NBAS: variants seen among roughly 807,000 people sequenced by gnomAD.
The protein encoded by NBAS is NAG/BC035112 fusion.
Under a neutral mutation model 302.5 loss-of-function variants are expected in NBAS, and 219 were observed. The observed-to-expected ratio is 0.72, with a 90% CI of 0.65 to 0.81. The LOEUF is 0.81. Ranked by LOEUF, NBAS falls within the 30% of genes least tolerant of loss-of-function variation. The probability of loss-of-function intolerance (pLI) is 0.00; values close to 1 mark genes in which losing one functional copy is unlikely to be tolerated. For synonymous variants in NBAS, 1,118 were observed against 1,021.6 expected (o/e 1.09, Z -1.80); for missense variants, 2,932 against 2,841.6 (o/e 1.03, Z -0.72).
the NBAS span, among the ~76,000 whole-genome samples, chr2:14,848,667 A>C: frequency 2.1e-4 from 30 of 142,330 alleles, no homozygotes; most frequent in African/African-American, 9.0e-4. Flanking sequence ...CTGCAGACTT[A>C]AATGTCCCTG....
chr2:15,327,994 A>C (rs1672153338), intron 37 of NBAS, 124 bp from the exon 38 acceptor site: 1 of 1,367,790 alleles, frequency 7.3e-7, no homozygotes, highest in Non-Finnish European at 1.0e-6. Flanking sequence ...TCACAAACTA[A>C]AGCATGTTAT....
the NBAS span, among the ~76,000 whole-genome samples, chr2:15,140,306 A>G: frequency 2.6e-5 from 4 of 152,238 alleles, no homozygotes; most frequent in Non-Finnish European, 1.5e-5. Context: ...CATGGAGCAG[A>G]AAGAGTTGCC....
At chr2:14,801,154 G>A in the NBAS span, among the ~76,000 whole-genome samples, 2 of 151,994 alleles carry the variant, frequency 1.3e-5, no homozygotes, top group South Asian at 2.1e-4. Context: ...CTTTAGCACT[G>A]GTTTTAAGCA....
chr2:14,960,132 G>C, the NBAS span, among the ~76,000 whole-genome samples: 2 of 152,194 alleles, frequency 1.3e-5, no homozygotes, highest in Admixed American at 1.3e-4. Context: ...GTAAGTGTAA[G>C]AGATGAGGCT....
At chr2:15,170,433 A>C (rs1266531240) in intron 51 of NBAS, among the ~76,000 whole-genome samples, 1 of 152,176 alleles carries the variant, frequency 6.6e-6, no homozygotes, top group Non-Finnish European at 1.5e-5. Flanking sequence ...AATGAAATGC[A>C]TGCTTCCTTC....
the NBAS span, among the ~76,000 whole-genome samples, chr2:15,138,644 T>G: frequency 6.6e-6 from 1 of 151,968 alleles, no homozygotes; most frequent in African/African-American, 2.4e-5. Flanking sequence ...GACCTCAGAA[T>G]GGAGTCCACA....
intron 9 of NBAS, among the ~76,000 whole-genome samples, chr2:15,533,862 A>G (rs1002515006): frequency 6.6e-6 from 1 of 151,894 alleles, no homozygotes; most frequent in African/African-American, 2.4e-5. Context: ...AGGACTTGTC[A>G]ATAAACACAG....
the NBAS span, among the ~76,000 whole-genome samples, chr2:14,862,183 G>A: frequency 6.6e-6 from 1 of 151,704 alleles, no homozygotes; most frequent in Non-Finnish European, 1.5e-5. Context: ...GTGTCACCCG[G>A]GCTGGAGTGC....
chr2:14,781,198 A>G, the NBAS span, among the ~76,000 whole-genome samples: 9 of 152,204 alleles, frequency 5.9e-5, no homozygotes, highest in African/African-American at 2.2e-4. Context: ...TTGGTATTCC[A>G]TGAGATTTCC....
At chr2:15,014,126 A>G in the NBAS span, among the ~76,000 whole-genome samples, 1 of 152,166 alleles carries the variant, frequency 6.6e-6, no homozygotes, top group Non-Finnish European at 1.5e-5. Context: ...ATATCCACCC[A>G]ACACTGAACC....
At chr2:15,128,592 G>C in the NBAS span, among the ~76,000 whole-genome samples, 1 of 152,204 alleles carries the variant, frequency 6.6e-6, no homozygotes, top group African/African-American at 2.4e-5. Flanking sequence ...AGATCAGGGT[G>C]TGCCTTATGG....
At chr2:15,153,356 C>T in the NBAS span, among the ~76,000 whole-genome samples, 1 of 152,138 alleles carries the variant, frequency 6.6e-6, no homozygotes, top group Non-Finnish European at 1.5e-5. Flanking sequence ...TGGTGCTATC[C>T]CCTGAGAAGG....
the NBAS span, among the ~76,000 whole-genome samples, chr2:14,928,123 T>C: frequency 6.6e-6 from 1 of 152,252 alleles, no homozygotes; most frequent in African/African-American, 2.4e-5. Context: ...TTCCTAATAA[T>C]ATGATGCTAT....
the NBAS span, among the ~76,000 whole-genome samples, chr2:15,014,697 T>C: frequency 6.6e-6 from 1 of 151,862 alleles, no homozygotes; most frequent in African/African-American, 2.4e-5. Context: ...ACTAGAAATA[T>C]TTTAAATAAA....
chr2:15,206,674 C>T (rs1024298279), intron 48 of NBAS, among the ~76,000 whole-genome samples: 1 of 152,204 alleles, frequency 6.6e-6, no homozygotes, highest in Non-Finnish European at 1.5e-5. Context: ...TCCAGCCACT[C>T]AGGCTCCAGC....
intron 48 of NBAS, among the ~76,000 whole-genome samples, chr2:15,210,605 G>A (rs1666361275): frequency 6.6e-6 from 1 of 152,158 alleles, no homozygotes; most frequent in African/African-American, 2.4e-5. Context: ...ATATGATCCA[G>A]CAATCTCTTT....
the NBAS span, among the ~76,000 whole-genome samples, chr2:14,899,156 T>G: frequency 6.6e-6 from 1 of 152,176 alleles, no homozygotes; most frequent in Non-Finnish European, 1.5e-5. Flanking sequence ...CTTCCAGGTT[T>G]TCTTAATGCC....
intron 38 of NBAS, among the ~76,000 whole-genome samples, chr2:15,317,121 C>G (rs775777830): frequency 1.3e-5 from 2 of 152,218 alleles, no homozygotes; most frequent in Admixed American, 6.5e-5. Flanking sequence ...TGGAGTGGAC[C>G]TCCAGCAAAC....
the NBAS span, among the ~76,000 whole-genome samples, chr2:15,138,193 A>T: frequency 6.6e-6 from 1 of 152,152 alleles, no homozygotes; most frequent in Non-Finnish European, 1.5e-5. Context: ...ACAGCTAGCG[A>T]AAGTAAGAAA....
Sources: allele counts gnomAD v4.1 joint callset (sites outside exome capture counted in the v4.1 genomes callset), GRCh38; gene constraint gnomAD v4.1.1; transcripts MANE v1.5; gene names NCBI Gene and HGNC (gene_info 2026-07-23, HGNC 2026-07-21).